Variants in PCDH7 observed in about 807,000 individuals in gnomAD.
PCDH7 encodes the protein protocadherin 7, also known as protocadherin-7.
PCDH7 carries 17 observed loss-of-function variants against 58.9 expected under a neutral mutation model. The ratio of observed to expected loss-of-function variants is 0.29; its 90% CI spans 0.20 to 0.43. The LOEUF is 0.43. Ranked by LOEUF, PCDH7 falls within the 20% of genes least tolerant of loss-of-function variation. PCDH7 has a pLI of 1.00. For synonymous variants in PCDH7, 664 were observed against 616.4 expected (o/e 1.08, Z -1.14); for missense variants, 1,274 against 1,441.0 (o/e 0.88, Z 1.88).
At chr4:31,131,934 A>G (rs374639340) in intron 3 of PCDH7, among the ~76,000 whole-genome samples, 3 of 152,156 alleles carry the variant, frequency 2.0e-5, no homozygotes, top group African/African-American at 7.2e-5. Flanking sequence ...AATTGCTGTG[A>G]TTTGTCCCTG....
chr4:30,942,481 A>G (rs945544698), intron 2 of PCDH7, among the ~76,000 whole-genome samples: 2 of 151,980 alleles, frequency 1.3e-5, no homozygotes, highest in African/African-American at 4.8e-5. Context: ...TCAGTGGAAA[A>G]TCTTTATTTT....
intron 1 of PCDH7, among the ~76,000 whole-genome samples, chr4:30,743,495 C>A (rs1717358716): frequency 6.6e-6 from 1 of 150,766 alleles, no homozygotes; most frequent in Non-Finnish European, 1.5e-5. Context: ...GAAAAAAAAA[C>A]TGGGTGGGGG....
At chr4:31,047,126 T>G (rs967858733) in intron 3 of PCDH7, among the ~76,000 whole-genome samples, 1 of 152,050 alleles carries the variant, frequency 6.6e-6, no homozygotes, top group African/African-American at 2.4e-5. Flanking sequence ...TCCAAGTAGT[T>G]GAAACTTTCC....
At position 30,721,345 on chromosome 4, in the gene PCDH7, C is replaced by A. The variant is rs1191930355; in HGVS notation, c.-78C>A. ...AGAGGGGAGAGGACTCGGGGGAGGG[C>A]AGGCGGCCGGCCCCGGAGGAGGGGG... On this transcript the variant is annotated 5_prime_UTR_variant, in exon 1 of 2. Transcript: ENST00000361762. This position sits in a 1 kb window ranked among gnomAD's most constrained non-coding sequence, Gnocchi z 6.7. 23 of 1,343,576 alleles carry A rather than the reference C, an allele frequency of 1.7e-5. No individual in the cohort carries two copies. Among genetic ancestry groups the A allele is most frequent in the Non-Finnish European group, 1.8e-5 (18 of 1,018,826 alleles). The allele number at this position is 1,343,576 out of a possible 1,614,324, so 83.2% of individuals were successfully genotyped here. A position where few individuals can be genotyped will look rare whatever the true frequency, so the allele number is the denominator to read the frequency against.
chr4:31,124,579 T>G (rs1393823704), intron 3 of PCDH7, among the ~76,000 whole-genome samples: 1 of 152,202 alleles, frequency 6.6e-6, no homozygotes, highest in Non-Finnish European at 1.5e-5. Context: ...CTCACTGTCT[T>G]TTCATATACA....
rs571117561 is a variant in PCDH7, at chr4:31,113,804, G to A, written c.*8-28669G>A. Among the ~76,000 whole-genome samples, 38 of 142,184 alleles carry A rather than the reference G, an allele frequency of 2.7e-4. 1 individual carries two copies. The highest frequency in any genetic ancestry group is 4.6e-4 in the South Asian group (2 of 4,346). 93.3% of individuals were successfully genotyped at this position (142,184 alleles called of 152,430 possible). A position where few individuals can be genotyped will look rare whatever the true frequency, so the allele number is the denominator to read the frequency against. On this transcript the variant is annotated intron_variant, in intron 3 of 3. Transcript: ENST00000509759. Reference sequence around the variant, plus strand: ...AATGTTAACATTTAATTTAGTTATAGTTTTTGAAATTTAAAAGTTAACCTT... The same window carrying A: ...AATGTTAACATTTAATTTAGTTATAATTTTTGAAATTTAAAAGTTAACCTT...
chr4:31,119,014 A>G (rs1461914718), intron 3 of PCDH7, among the ~76,000 whole-genome samples: 1 of 152,114 alleles, frequency 6.6e-6, no homozygotes, highest in Non-Finnish European at 1.5e-5. Flanking sequence ...CTTTGGTGTC[A>G]TCAAACTACA....
chr4:31,078,491 T>C (rs1979817), intron 3 of PCDH7, among the ~76,000 whole-genome samples: 74,451 of 149,432 alleles, frequency 0.5, 19,087 homozygotes, highest in East Asian at 0.78. Context: ...TTTCTTTTTT[T>C]TTTTTTTGGT....
At chr4:30,922,380 T>C (rs1402255494) in intron 2 of PCDH7, among the ~76,000 whole-genome samples, 1 of 151,936 alleles carries the variant, frequency 6.6e-6, no homozygotes. Context: ...TCTTTATTTT[T>C]TGGATGTCAG....
At chr4:30,955,610 G>A (rs1011931662) in intron 3 of PCDH7, among the ~76,000 whole-genome samples, 4 of 151,588 alleles carry the variant, frequency 2.6e-5, no homozygotes, top group Admixed American at 1.3e-4. Context: ...GAGCAGTGGC[G>A]CAATCTCAGC....
At chr4:31,037,977 C>T (rs775144904) in intron 3 of PCDH7, among the ~76,000 whole-genome samples, 1 of 152,222 alleles carries the variant, frequency 6.6e-6, no homozygotes, top group Non-Finnish European at 1.5e-5. Flanking sequence ...ACAAGCAATA[C>T]TTGGAATTCA....
chr4:30,841,561 T>C (rs924547463), intron 1 of PCDH7, among the ~76,000 whole-genome samples: 1 of 152,174 alleles, frequency 6.6e-6, no homozygotes, highest in Non-Finnish European at 1.5e-5. Flanking sequence ...GATGTGATTT[T>C]GTGATCTCTT....
intron 1 of PCDH7, among the ~76,000 whole-genome samples, chr4:30,901,866 A>G (rs1413673539): frequency 6.6e-6 from 1 of 152,146 alleles, no homozygotes; most frequent in East Asian, 1.9e-4. Flanking sequence ...TGGTTTAGTT[A>G]TATCAGTGCT....
intron 3 of PCDH7, among the ~76,000 whole-genome samples, chr4:31,070,179 C>A (rs962476953): frequency 6.6e-6 from 1 of 151,894 alleles, no homozygotes; most frequent in East Asian, 1.9e-4. Flanking sequence ...CATGTGTGTA[C>A]GAGAATAAAT....
chr4:30,990,173 T>G (rs1751347003), intron 3 of PCDH7, among the ~76,000 whole-genome samples: 1 of 151,982 alleles, frequency 6.6e-6, no homozygotes, highest in Non-Finnish European at 1.5e-5. Context: ...TCTACATTTT[T>G]CTTTATAAAA....
chr4:30,759,717 ATCTT>A (rs1236119056), intron 1 of PCDH7, among the ~76,000 whole-genome samples: 2 of 152,156 alleles, frequency 1.3e-5, no homozygotes, highest in East Asian at 1.9e-4. Context: ...ATATAACAAA[ATCTT>A]TCATTAAATG....
At chr4:31,035,167 A>C (rs537714387) in intron 3 of PCDH7, among the ~76,000 whole-genome samples, 1 of 150,886 alleles carries the variant, frequency 6.6e-6, no homozygotes, top group East Asian at 2.0e-4. Context: ...CCAGTAAGAT[A>C]TGTACTTGTC....
intron 1 of PCDH7, among the ~76,000 whole-genome samples, chr4:30,796,092 C>G (rs1027991379): frequency 1.3e-5 from 2 of 152,124 alleles, no homozygotes; most frequent in Non-Finnish European, 2.9e-5. Flanking sequence ...TGAGAAATCC[C>G]TTTAAAACCT....
chr4:30,745,814 T>TTTC (rs1243225977), intron 1 of PCDH7, among the ~76,000 whole-genome samples: 1 of 152,120 alleles, frequency 6.6e-6, no homozygotes, highest in Non-Finnish European at 1.5e-5. Context: ...ACATATAATT[T>TTTC]TTCTTCTAAA....
Sources: allele counts gnomAD v4.1 joint callset (sites outside exome capture counted in the v4.1 genomes callset), GRCh38; gene constraint gnomAD v4.1.1; non-coding constraint Gnocchi (gnomAD v3.1); transcripts MANE v1.5; gene names NCBI Gene and HGNC (gene_info 2026-07-23, HGNC 2026-07-21).